PTPRN2: variants seen among roughly 807,000 people sequenced by gnomAD.
PTPRN2 encodes the protein protein tyrosine phosphatase receptor type N2.
PTPRN2 carries 74 observed loss-of-function variants against 118.8 expected under a neutral mutation model. The observed-to-expected ratio is 0.62, with a 90% confidence interval of 0.52 to 0.76. The LOEUF is 0.76. Among genes scored for constraint, PTPRN2 ranks in the 30% least tolerant of loss-of-function variants. The probability of loss-of-function intolerance (pLI) is 0.00; values close to 1 mark genes in which losing one functional copy is unlikely to be tolerated. For missense variants in PTPRN2, 1,481 were observed against 1,394.4 expected (o/e 1.06, Z -0.99); for synonymous variants, 641 against 608.0 (o/e 1.05, Z -0.80).
intron 1 of PTPRN2, among the ~76,000 whole-genome samples, chr7:158,520,869 C>T (rs1290874714): frequency 6.6e-6 from 1 of 152,200 alleles, no homozygotes; most frequent in Non-Finnish European, 1.5e-5. Flanking sequence ...TCTTCACTCT[C>T]ATGAGGGTGC....
At chr7:157,963,235 C>T (rs1369360007) in intron 11 of PTPRN2, among the ~76,000 whole-genome samples, 2 of 152,362 alleles carry the variant, frequency 1.3e-5, no homozygotes, top group South Asian at 2.1e-4. Flanking sequence ...GCATCCTTTC[C>T]TTCCTGTGTG....
chr7:158,207,743 A>G (rs1827269528), intron 3 of PTPRN2, among the ~76,000 whole-genome samples: 1 of 152,210 alleles, frequency 6.6e-6, no homozygotes, highest in South Asian at 2.1e-4. Context: ...AACATCCAAG[A>G]GCATCAAGAC....
chr7:158,408,677 C>T (rs993091082), intron 2 of PTPRN2, among the ~76,000 whole-genome samples: 10 of 152,150 alleles, frequency 6.6e-5, no homozygotes, highest in Non-Finnish European at 1.0e-4. Flanking sequence ...GTGTTTCCTC[C>T]GTGTTTGCAG....
At position 157,893,739 on chromosome 7, in the gene PTPRN2, G is replaced by A. The variant is rs189719995; in HGVS notation, c.1788+4934C>T. Among the ~76,000 whole-genome samples, 18 of 152,316 alleles carry A rather than the reference G, an allele frequency of 1.2e-4. No individual in the cohort carries two copies. The highest frequency in any genetic ancestry group is 9.6e-4 in the East Asian group (5 of 5,182). On this transcript the variant is annotated intron_variant, in intron 12 of 22. Transcript: ENST00000389418. The surrounding 1 kb of genome is among the most constrained non-coding windows in gnomAD (Gnocchi z 4.0). ...CGGTGAATGGGTCAGGGCTGGAGAC[G>A]TAGGCTTGGGATCATCATCGAACAG...
chr7:158,056,057 C>A (rs1585289415), intron 11 of PTPRN2, among the ~76,000 whole-genome samples: 1 of 152,278 alleles, frequency 6.6e-6, no homozygotes, highest in Non-Finnish European at 1.5e-5. Context: ...GTTCTTGCTG[C>A]TTTTTTCAGT....
intron 12 of PTPRN2, among the ~76,000 whole-genome samples, chr7:157,849,518 G>A (rs1392488519): frequency 6.6e-6 from 1 of 152,154 alleles, no homozygotes; most frequent in African/African-American, 2.4e-5. Flanking sequence ...GACCAGCCTG[G>A]GCCAACCCCT....
chr7:157,587,443 ATTT>A lies in PTPRN2; in HGVS notation c.2496+7792_2496+7794del, dbSNP rs1313488132. The stretch of plus-strand genomic sequence containing the variant: ...GGTCTTCCACAGTTCCAAGTTCAGG[ATTT>A]TTTCTTAACCATAGTAAGAACTATG... On this transcript the variant is annotated intron_variant, in intron 17 of 22. Coordinates refer to ENST00000389418, the MANE Select transcript of PTPRN2 (RefSeq NM_002847.5). The surrounding 1 kb of genome is among the most constrained non-coding windows in gnomAD (Gnocchi z 5.3). Among the ~76,000 whole-genome samples the A allele has an allele frequency of 6.6e-6, 1 of 152,170 alleles. No individual in the cohort carries two copies. The highest frequency in any genetic ancestry group is 2.4e-5 in the African/African-American group (1 of 41,434).
intron 12 of PTPRN2, among the ~76,000 whole-genome samples, chr7:157,826,532 G>A (rs1001180024): frequency 7.4e-6 from 1 of 134,764 alleles, no homozygotes; most frequent in Non-Finnish European, 1.6e-5. Flanking sequence ...TCACAATCGC[G>A]AGCGCCATTT....
At chr7:158,287,071 T>C (rs919366895) in intron 3 of PTPRN2, among the ~76,000 whole-genome samples, 15 of 152,178 alleles carry the variant, frequency 9.9e-5, no homozygotes, top group Non-Finnish European at 1.8e-4. Context: ...TAATTTTTCT[T>C]GGTAGGTATC....
At chr7:157,689,821 C>A (rs1797382257) in intron 12 of PTPRN2, among the ~76,000 whole-genome samples, 1 of 152,224 alleles carries the variant, frequency 6.6e-6, no homozygotes. Context: ...TGGAACGCCT[C>A]TCCCTGCAGG....
chr7:158,521,364 C>G (rs1823984254), intron 1 of PTPRN2, among the ~76,000 whole-genome samples: 1 of 152,224 alleles, frequency 6.6e-6, no homozygotes, highest in Non-Finnish European at 1.5e-5. Context: ...TACTAGGTGT[C>G]TGGCTTCCCA....
rs1824719726 is a variant in PTPRN2, at chr7:158,525,659, TA to T, written c.113-35875del. Among the ~76,000 whole-genome samples, 1 of 152,240 alleles carries T rather than the reference TA, an allele frequency of 6.6e-6. No homozygotes were observed. The highest frequency in any genetic ancestry group is 1.5e-5 in the Non-Finnish European group (1 of 68,036). The stretch of plus-strand genomic sequence containing the variant: ...TAATCACACATATTACGGGGATTTT[TA>T]AAGATCCTTTCATGCACAATGAGTA... On this transcript the variant is annotated intron_variant, in intron 1 of 22. Coordinates refer to ENST00000389418, the MANE Select transcript of PTPRN2 (RefSeq NM_002847.5). This position sits in a 1 kb window ranked among gnomAD's most constrained non-coding sequence, Gnocchi z 4.1.
intron 6 of PTPRN2, among the ~76,000 whole-genome samples, chr7:158,147,410 A>G (rs377101797): frequency 5.6e-5 from 2 of 35,648 alleles, no homozygotes; most frequent in Non-Finnish European, 9.1e-5. Context: ...TTCCCCTTCA[A>G]TGACACCCCA....
At chr7:157,708,877 G>A (rs1339387256) in intron 12 of PTPRN2, among the ~76,000 whole-genome samples, 1 of 152,212 alleles carries the variant, frequency 6.6e-6, no homozygotes, top group Non-Finnish European at 1.5e-5. Flanking sequence ...GCCACGTATG[G>A]CTCCATGAAA....
At chr7:158,197,746 A>C (rs1354729740) in intron 4 of PTPRN2, among the ~76,000 whole-genome samples, 1 of 152,184 alleles carries the variant, frequency 6.6e-6, no homozygotes, top group East Asian at 1.9e-4. Context: ...TGCAAGGAGC[A>C]AAGGGGAAAG....
At chr7:158,164,943 C>T (rs1234874513) in intron 6 of PTPRN2, among the ~76,000 whole-genome samples, 23 of 150,456 alleles carry the variant, frequency 1.5e-4, no homozygotes, top group African/African-American at 2.7e-4. Context: ...ACAGGAAGCT[C>T]GGCAGCTACA....
intron 12 of PTPRN2, among the ~76,000 whole-genome samples, chr7:157,773,877 A>G (rs1421391772): frequency 1.5e-5 from 2 of 136,794 alleles, no homozygotes; most frequent in Non-Finnish European, 3.3e-5. Flanking sequence ...ATAAACTCCA[A>G]CTGAGAGCTC....
intron 12 of PTPRN2, among the ~76,000 whole-genome samples, chr7:157,685,896 G>C (rs896393693): frequency 6.6e-6 from 1 of 152,098 alleles, no homozygotes; most frequent in African/African-American, 2.4e-5. Flanking sequence ...GCCTAGGCCC[G>C]CGCTGTCCCA....
At chr7:157,575,725 T>A (rs1018441836) in intron 19 of PTPRN2, among the ~76,000 whole-genome samples, 1 of 152,232 alleles carries the variant, frequency 6.6e-6, no homozygotes, top group Non-Finnish European at 1.5e-5. Flanking sequence ...CTGTTAAGAA[T>A]CAAGTCACTT....
Sources: allele counts gnomAD v4.1 joint callset (sites outside exome capture counted in the v4.1 genomes callset), GRCh38; gene constraint gnomAD v4.1.1; non-coding constraint Gnocchi (gnomAD v3.1); transcripts MANE v1.5; gene names NCBI Gene and HGNC (gene_info 2026-07-23, HGNC 2026-07-21).